HSPH1: variants seen among roughly 807,000 people sequenced by gnomAD.
HSPH1 encodes the protein heat shock protein family H (Hsp110) member 1, also known as heat shock protein 105 kDa.
A neutral mutation model predicts 100.0 loss-of-function variants in HSPH1; 40 were observed. The ratio of observed to expected loss-of-function variants is 0.40; its 90% CI spans 0.31 to 0.52. The LOEUF is 0.52. Ranked by LOEUF, HSPH1 falls within the 20% of genes least tolerant of loss-of-function variation. The pLI is 0.54. For missense variants in HSPH1, 876 were observed against 1,015.1 expected, an observed-to-expected ratio of 0.86 and a Z score of 1.86; for synonymous variants, 403 against 344.0, an observed-to-expected ratio of 1.17 and a Z score of -1.90.
In HSPH1 at chr13:31,138,452, A is replaced by T. The variant is rs776636320; in HGVS notation, c.2325T>A (p.Asp775Glu). 8 of 1,613,370 alleles carry T rather than the reference A, an allele frequency of 5.0e-6. No homozygotes were observed. The highest frequency in any genetic ancestry group is 6.8e-6 in the Non-Finnish European group (8 of 1,179,500). ...CCTGAGCACGTACAACTGGATCCTG[A>T]TCAAGACTCTTTTTAGCCTGAGCAT... ...VMNAQAKKSLDQDPVVRAQEI... is the reference protein window; with the variant it reads ...VMNAQAKKSLEQDPVVRAQEI... Residue 775 changes from aspartate (D) to glutamate (E), a missense_variant, in exon 17 of 18, where the codon GAT becomes GAA. Coordinates refer to ENST00000320027, the MANE Select transcript of HSPH1 (RefSeq NM_006644.4).
chr13:31,144,913 C>A (rs1956217091), intron 11 of HSPH1, among the ~76,000 whole-genome samples: 1 of 152,130 alleles, frequency 6.6e-6, no homozygotes. Context: ...AACGCACTTT[C>A]TCACATCTTA....
Position 31,161,843 on chromosome 13 carries a change from C to T in HSPH1, c.-261G>A. ...AGCCTCCGCAGGTCGCTCCGCACCT[C>T]GGGTTGCCTGCCTCACTCTGCCGCG... On this transcript the variant is annotated 5_prime_UTR_variant, in exon 1 of 18. Coordinates refer to ENST00000320027, the MANE Select transcript of HSPH1 (RefSeq NM_006644.4). 2.7e-6 allele frequency: 4 copies of T among 1,477,508 alleles called. No individual in the cohort carries two copies. Among genetic ancestry groups the T allele is most frequent in the African/African-American group, 1.4e-5 (1 of 71,542 alleles). The allele number at this position is 1,477,508 out of a possible 1,614,324, so 91.5% of individuals were successfully genotyped here. A position where few individuals can be genotyped will look rare whatever the true frequency, so the allele number is the denominator to read the frequency against.
At chr13:31,142,042 G>T (rs1439203605) in intron 12 of HSPH1, among the ~76,000 whole-genome samples, 1 of 151,988 alleles carries the variant, frequency 6.6e-6, no homozygotes, top group East Asian at 1.9e-4. Context: ...CATTTCTGCA[G>T]GTTCCTACTA....
Position 31,148,481 on chromosome 13 carries a change from C to CT in HSPH1, c.1138-2dup. On this transcript the variant is annotated splice_acceptor_variant, in intron 8 of 17. Transcript: ENST00000320027. LOFTEE classifies it high-confidence loss of function. ...TAAATGCCGGGGAAAGTATTGCACA[C>CT]TTAAAAAAAAAAAAAAAAATCATGA... The CT allele has an allele frequency of 9.3e-7, 1 of 1,078,574 alleles. No homozygotes were observed. Among genetic ancestry groups the CT allele is most frequent in the Non-Finnish European group, 1.2e-6 (1 of 812,616 alleles). The allele number at this position is 1,078,574 out of a possible 1,614,324, so 66.8% of individuals were successfully genotyped here.
chr13:31,161,750 G>A lies in HSPH1; in HGVS notation c.-168C>T. On this transcript the variant is annotated 5_prime_UTR_variant, in exon 1 of 18. Transcript: ENST00000320027. ...ACACACAGACAGCCGCGGCCTGTCA[G>A]GAGCCTCCTACTCCCCCGGGGACAG... is the stretch of plus-strand genomic sequence containing the variant. 4 of 1,530,266 alleles carry A rather than the reference G, an allele frequency of 2.6e-6. No individual in the cohort carries two copies. The highest frequency in any genetic ancestry group is 3.5e-6 in the Non-Finnish European group (4 of 1,143,314). 94.8% of individuals were successfully genotyped at this position (1,530,266 alleles called of 1,614,324 possible).
chr13:31,145,056 T>C (rs911447652), intron 11 of HSPH1, among the ~76,000 whole-genome samples: 4 of 152,168 alleles, frequency 2.6e-5, no homozygotes, highest in Admixed American at 6.5e-5. Context: ...ATGCTAATGA[T>C]GAATAACAAC....
Position 31,141,144 on chromosome 13 carries a change from A to C in HSPH1, c.1832T>G (p.Leu611Arg). 5 of 1,601,614 alleles carry C rather than the reference A, an allele frequency of 3.1e-6. No homozygotes were observed. Among genetic ancestry groups the C allele is most frequent in the Non-Finnish European group, 4.3e-6 (5 of 1,172,502 alleles). Residue 611 changes from leucine to arginine, a missense_variant, in exon 13 of 18, where the codon CTT (leucine) becomes CGT (arginine). Transcript: ENST00000320027. ...NLVWQLGKDL[L>R]NMYIETEGKM... is the part of the protein sequence containing the mutation. ...TACCTCTGTCTCAATATACATGTTA[A>C]GAAGGTCTTTCCCTAACTGCCAGAC...
At chr13:31,138,723 T>A in intron 16 of HSPH1, 58 bp downstream of exon 16, 1 of 1,568,040 alleles carries the variant, frequency 6.4e-7, no homozygotes. Context: ...CCAGCTTAAG[T>A]GTTAGCTTAT....
intron 4 of HSPH1, among the ~76,000 whole-genome samples, chr13:31,153,228 T>A (rs1380101295): frequency 6.6e-6 from 1 of 152,176 alleles, no homozygotes; most frequent in Non-Finnish European, 1.5e-5. Context: ...TAAGACATAT[T>A]CAAAGTTACA....
In HSPH1 at chr13:31,141,151, C is replaced by G. The variant is rs759959983; in HGVS notation, c.1825G>C (p.Asp609His). Residue 609 changes from aspartate to histidine, a missense_variant, in exon 13 of 18, where the codon GAC becomes CAC. Asp to His is a moderately conservative substitution (Grantham distance 81). Transcript: ENST00000320027. ...EANLVWQLGK[D>H]LLNMYIETEG... ...GTCTCAATATACATGTTAAGAAGGT[C>G]TTTCCCTAACTGCCAGACCAAGTTG... The G allele has an allele frequency of 1.2e-6, 2 of 1,604,482 alleles. No homozygotes were observed. The highest frequency in any genetic ancestry group is 1.7e-6 in the Non-Finnish European group (2 of 1,174,252).
intron 17 of HSPH1, 133 bp from the exon 18 acceptor site, chr13:31,137,657 TA>T: frequency 1.5e-6 from 1 of 671,392 alleles, no homozygotes; most frequent in Non-Finnish European, 2.5e-6. Flanking sequence ...ATTTTCTCAT[TA>T]CACTTGCCCC....
intron 12 of HSPH1, among the ~76,000 whole-genome samples, chr13:31,142,155 C>T (rs551174395): frequency 7.9e-5 from 12 of 152,060 alleles, no homozygotes; most frequent in African/African-American, 2.4e-4. Flanking sequence ...GATGGTAAAA[C>T]GGGAAGAGAC....
intron 17 of HSPH1, 68 bp from the exon 18 acceptor site, chr13:31,137,592 C>A: frequency 8.9e-7 from 1 of 1,126,606 alleles, no homozygotes; most frequent in Non-Finnish European, 1.3e-6. Flanking sequence ...ACTGCTTCTC[C>A]ACATACTCAA....
At chr13:31,157,980 T>G (rs1331225974) in intron 2 of HSPH1, among the ~76,000 whole-genome samples, 1 of 152,262 alleles carries the variant, frequency 6.6e-6, no homozygotes, top group African/African-American at 2.4e-5. Flanking sequence ...ATTTTATACT[T>G]CACATTTTGA....
At chr13:31,139,228 T>G in intron 14 of HSPH1, 121 bp from the exon 15 acceptor site, 1 of 668,664 alleles carries the variant, frequency 1.5e-6, no homozygotes, top group Non-Finnish European at 2.7e-6. Context: ...TGATTTGGCT[T>G]CTCTGCCTTG....
At chr13:31,152,524 G>T in intron 5 of HSPH1, 1 of 232,864 alleles carries the variant, frequency 4.3e-6, no homozygotes, top group Non-Finnish European at 8.5e-6. Flanking sequence ...TATAAGCCAA[G>T]GTAGTTTTGA....
chr13:31,141,695 T>A (rs922085821), intron 12 of HSPH1, among the ~76,000 whole-genome samples: 1 of 152,032 alleles, frequency 6.6e-6, no homozygotes, highest in East Asian at 1.9e-4. Flanking sequence ...AGGCCCTATA[T>A]GCCAGTATGC....
At chr13:31,161,114 G>A (rs1490152378) in intron 1 of HSPH1, among the ~76,000 whole-genome samples, 1 of 152,228 alleles carries the variant, frequency 6.6e-6, no homozygotes, top group Non-Finnish European at 1.5e-5. Context: ...GCCGCGGAAG[G>A]CGCAGGCTGC....
At chr13:31,147,443 C>T (rs1956304648) in intron 10 of HSPH1, among the ~76,000 whole-genome samples, 1 of 151,808 alleles carries the variant, frequency 6.6e-6, no homozygotes, top group South Asian at 2.1e-4. Context: ...AAGAGAGTTA[C>T]TATGGGTAAA....
Sources: allele counts gnomAD v4.1 joint callset (sites outside exome capture counted in the v4.1 genomes callset), GRCh38; gene constraint gnomAD v4.1.1; transcripts MANE v1.5; gene names NCBI Gene and HGNC (gene_info 2026-07-23, HGNC 2026-07-21).